The following PRKCA variants were observed in gnomAD, a reference collection of about 807,000 sequenced individuals.
PRKCA encodes the protein protein kinase C alpha type.
PRKCA carries 27 observed loss-of-function variants against 87.0 expected under a neutral mutation model. The ratio of observed to expected loss-of-function variants is 0.31; its 90% CI spans 0.23 to 0.43. The LOEUF is 0.43. Ranked by LOEUF, PRKCA falls within the 20% of genes least tolerant of loss-of-function variation. The pLI, the probability that PRKCA is intolerant of heterozygous loss-of-function variation, is 1.00. For missense variants in PRKCA, 518 were observed against 852.3 expected (o/e 0.61, Z 4.88); for synonymous variants, 329 against 311.1 (o/e 1.06, Z -0.61).
chr17:66,781,231 C>A (rs775811579), intron 14 of PRKCA, among the ~76,000 whole-genome samples: 6 of 152,212 alleles, frequency 3.9e-5, no homozygotes, highest in Non-Finnish European at 7.3e-5. Context: ...CTTCCTTTCT[C>A]ATGTGTATTT....
At chr17:66,465,866 G>A (rs1310222910) in intron 2 of PRKCA, among the ~76,000 whole-genome samples, 1 of 151,896 alleles carries the variant, frequency 6.6e-6, no homozygotes, top group Non-Finnish European at 1.5e-5. Flanking sequence ...TTTTGGAGTT[G>A]TTTATTTGCA....
intron 8 of PRKCA, among the ~76,000 whole-genome samples, chr17:66,730,007 C>A (rs1032414381): frequency 6.6e-6 from 1 of 152,042 alleles, no homozygotes; most frequent in Non-Finnish European, 1.5e-5. Context: ...TGGCCAGGCT[C>A]GTCTTGAATT....
chr17:66,456,917 A>G (rs1434153860), intron 2 of PRKCA, among the ~76,000 whole-genome samples: 1 of 152,302 alleles, frequency 6.6e-6, no homozygotes, highest in Non-Finnish European at 1.5e-5. Flanking sequence ...GTTTAGGCTG[A>G]CTTGGTGATT....
intron 13 of PRKCA, among the ~76,000 whole-genome samples, chr17:66,763,892 C>T (rs1303865668): frequency 6.6e-6 from 1 of 152,170 alleles, no homozygotes; most frequent in African/African-American, 2.4e-5. Context: ...CCAAGAGCTC[C>T]TGAGTGAAGG....
chr17:66,740,424 A>G (rs943549057), intron 11 of PRKCA, among the ~76,000 whole-genome samples: 2 of 152,274 alleles, frequency 1.3e-5, no homozygotes, highest in Admixed American at 6.5e-5. Context: ...ATGTACCCTG[A>G]TGAATGAAGT....
At chr17:66,322,112 T>A (rs1905705425) in intron 2 of PRKCA, among the ~76,000 whole-genome samples, 1 of 152,242 alleles carries the variant, frequency 6.6e-6, no homozygotes. Flanking sequence ...TTATATTGGT[T>A]CTCATTGGCA....
intron 2 of PRKCA, among the ~76,000 whole-genome samples, chr17:66,428,526 T>C (rs538724102): frequency 1.1e-3 from 167 of 151,302 alleles, no homozygotes; most frequent in Middle Eastern, 3.4e-3. Context: ...TTTTTTGAGA[T>C]AGAATCTCGC....
chr17:66,726,493 G>T (rs73329763), intron 8 of PRKCA, among the ~76,000 whole-genome samples: 2 of 152,264 alleles, frequency 1.3e-5, no homozygotes, highest in South Asian at 4.1e-4. Context: ...GTTTCAGGAA[G>T]ACCACTGTGG....
intron 13 of PRKCA, among the ~76,000 whole-genome samples, chr17:66,767,492 C>G (rs1286944912): frequency 6.6e-6 from 1 of 152,144 alleles, no homozygotes; most frequent in South Asian, 2.1e-4. Flanking sequence ...TGCCCTTCTA[C>G]TTGGTCAGGA....
At chr17:66,363,314 TA>T (rs1307934611) in intron 2 of PRKCA, among the ~76,000 whole-genome samples, 2 of 152,238 alleles carry the variant, frequency 1.3e-5, no homozygotes, top group Non-Finnish European at 2.9e-5. Context: ...TTACACAGGG[TA>T]ATCTTCTCCC....
intron 2 of PRKCA, among the ~76,000 whole-genome samples, chr17:66,371,350 G>A (rs116406804): frequency 0.011 from 1,639 of 152,244 alleles, 39 homozygotes; most frequent in African/African-American, 0.038. Flanking sequence ...CATTTTCTGT[G>A]TGTTTGTGAA....
intron 3 of PRKCA, among the ~76,000 whole-genome samples, chr17:66,612,239 G>C (rs1238465964): frequency 2.6e-5 from 4 of 151,858 alleles, no homozygotes; most frequent in Admixed American, 6.6e-5. Flanking sequence ...AAATTAGCTG[G>C]GCATGGTGGC....
At chr17:66,537,605 CT>C (rs1567884137) in intron 3 of PRKCA, among the ~76,000 whole-genome samples, 1 of 152,202 alleles carries the variant, frequency 6.6e-6, no homozygotes, top group Non-Finnish European at 1.5e-5. Flanking sequence ...AGACACAAAT[CT>C]GATGGAACTT....
intron 2 of PRKCA, among the ~76,000 whole-genome samples, chr17:66,373,202 A>G (rs1186749852): frequency 1.3e-5 from 2 of 152,248 alleles, no homozygotes; most frequent in Non-Finnish European, 2.9e-5. Context: ...GTGAACAAGC[A>G]TGTTAAAGAA....
intron 2 of PRKCA, among the ~76,000 whole-genome samples, chr17:66,407,812 C>T (rs183465152): frequency 6.6e-6 from 1 of 152,104 alleles, no homozygotes; most frequent in Non-Finnish European, 1.5e-5. Flanking sequence ...TTACGATTTT[C>T]TAACTTGCCA....
At chr17:66,361,577 C>T (rs892597195) in intron 2 of PRKCA, among the ~76,000 whole-genome samples, 2 of 152,116 alleles carry the variant, frequency 1.3e-5, no homozygotes, top group Non-Finnish European at 2.9e-5. Flanking sequence ...TCCCAAAATG[C>T]TAGGATTATA....
chr17:66,471,931 C>G (rs1915344513), intron 2 of PRKCA, among the ~76,000 whole-genome samples: 1 of 152,066 alleles, frequency 6.6e-6, no homozygotes, highest in Non-Finnish European at 1.5e-5. Flanking sequence ...GCAGAAGATT[C>G]AAAATTTGAC....
At chr17:66,311,105 G>T (rs1905067764) in intron 2 of PRKCA, among the ~76,000 whole-genome samples, 1 of 152,126 alleles carries the variant, frequency 6.6e-6, no homozygotes, top group Non-Finnish European at 1.5e-5. Context: ...CCTCAGTTTT[G>T]ATTGGTTACC....
At chr17:66,353,021 G>A (rs1248243636) in intron 2 of PRKCA, among the ~76,000 whole-genome samples, 1 of 152,120 alleles carries the variant, frequency 6.6e-6, no homozygotes, top group Non-Finnish European at 1.5e-5. Context: ...AGACGTTTTA[G>A]TCTGTCAAGA....
Sources: gnomAD v4.1 joint callset for allele counts (sites outside exome capture counted in the v4.1 genomes callset) on GRCh38, gnomAD v4.1.1 for gene constraint, MANE v1.5 for transcripts, NCBI Gene and HGNC (gene_info 2026-07-23, HGNC 2026-07-21) for gene names.